The following TEX14 variants were observed in gnomAD, a reference collection of about 807,000 sequenced individuals.
The protein encoded by TEX14 is testis expressed 14, intercellular bridge forming factor.
A neutral mutation model predicts 178.6 loss-of-function variants in TEX14; 168 were observed. The ratio of observed to expected loss-of-function variants is 0.94; its 90% CI spans 0.83 to 1.07. The LOEUF (loss-of-function observed/expected upper bound fraction) is 1.07, where lower values mean the gene tolerates loss of function less well. Ranked by LOEUF, TEX14 falls within the 50% of genes least tolerant of loss-of-function variation. The pLI is 0.00. For missense variants in TEX14, 1,730 were observed against 1,753.6 expected (o/e 0.99, Z 0.24); for synonymous variants, 626 against 634.1 (o/e 0.99, Z 0.19).
intron 1 of TEX14, chr17:58,679,528 G>A (rs1047555511): frequency 6.6e-6 from 1 of 152,194 alleles, no homozygotes; most frequent in Admixed American, 6.6e-5. Context: ...AGCCAGATCA[G>A]GGGAGAGAAC....
At chr17:58,659,153 G>C (rs776152613) in intron 1 of TEX14, among the ~76,000 whole-genome samples, 1 of 150,938 alleles carries the variant, frequency 6.6e-6, no homozygotes, top group Non-Finnish European at 1.5e-5. Context: ...TCACAGGACA[G>C]AAAAGCGCAA....
intron 1 of TEX14, among the ~76,000 whole-genome samples, chr17:58,686,755 T>C (rs908630680): frequency 6.6e-6 from 1 of 150,866 alleles, no homozygotes; most frequent in East Asian, 2.0e-4. Flanking sequence ...AGCTTTATCA[T>C]AACCACCTCT....
chr17:58,602,535 CG>C lies in TEX14; in HGVS notation c.1391del (p.Ser464TrpfsTer5). 6.2e-7 allele frequency: 1 copy of C among 1,613,894 alleles called. No homozygotes were observed. The highest frequency in any genetic ancestry group is 8.5e-7 in the Non-Finnish European group (1 of 1,179,996). On this transcript the variant is annotated frameshift_variant, in exon 12 of 32. Transcript: ENST00000349033. LOFTEE classifies it high-confidence loss of function. ...DGSVVKKAVVSGNYLEADVRL... is the reference protein window; with the variant it reads ...DGSVVKKAVVXGNYLEADVRL... ...TGACATCAGCTTCTAAATAATTCCCCGAGACTACGGCTTTTTTAACAACTGA... is the reference window on the plus strand; with the variant it reads ...TGACATCAGCTTCTAAATAATTCCCCAGACTACGGCTTTTTTAACAACTGA...
intron 13 of TEX14, among the ~76,000 whole-genome samples, 156 bp downstream of exon 13, chr17:58,601,650 T>C (rs1184326942): frequency 6.6e-6 from 1 of 152,194 alleles, no homozygotes; most frequent in East Asian, 1.9e-4. Flanking sequence ...GCTGAGAGCA[T>C]GCCACTGTAC....
At chr17:58,583,332 T>G (rs556030541) in intron 19 of TEX14, among the ~76,000 whole-genome samples, 1 of 152,190 alleles carries the variant, frequency 6.6e-6, no homozygotes, top group South Asian at 2.1e-4. Context: ...GGTCTTGCCA[T>G]GTTGCCAAGG....
chr17:58,567,564 T>C (rs569456290), intron 26 of TEX14, among the ~76,000 whole-genome samples: 1 of 152,324 alleles, frequency 6.6e-6, no homozygotes, highest in Non-Finnish European at 1.5e-5. Flanking sequence ...CCTAGAGCTT[T>C]GGATGTGAGC....
intron 10 of TEX14, among the ~76,000 whole-genome samples, chr17:58,606,859 C>G (rs1477551431): frequency 1.3e-5 from 2 of 151,726 alleles, no homozygotes; most frequent in Non-Finnish European, 2.9e-5. Context: ...GAAACCCCAT[C>G]TCTACTAAAA....
In TEX14 at chr17:58,565,778, G is replaced by A. The variant is rs2044384270; in HGVS notation, c.3933C>T (p.Asn1311=). 4 of 1,610,480 alleles carry A rather than the reference G, an allele frequency of 2.5e-6. No individual in the cohort carries two copies. Among genetic ancestry groups the A allele is most frequent in the Non-Finnish European group, 3.4e-6 (4 of 1,178,548 alleles). Residue 1311 remains asparagine, a synonymous_variant, in exon 27 of 32, where the codon AAC becomes AAT. Coordinates refer to ENST00000349033, the MANE Select transcript of TEX14 (RefSeq NM_031272.5). ...CAGTGCCTCCTCCATCACTTGCTGTGTTCTCATGCAACACCGTGGATGAGC... is the reference window on the plus strand; with the variant it reads ...CAGTGCCTCCTCCATCACTTGCTGTATTCTCATGCAACACCGTGGATGAGC... ...QQGSSTVLHE[N]TASDGGGTAN...
intron 1 of TEX14, among the ~76,000 whole-genome samples, chr17:58,689,174 C>T (rs2047651197): frequency 6.6e-6 from 1 of 152,018 alleles, no homozygotes; most frequent in South Asian, 2.1e-4. Flanking sequence ...GTGATCCGCC[C>T]ACCTCGGCCT....
chr17:58,631,703 C>A (rs530068952), intron 2 of TEX14: 2 of 151,414 alleles, frequency 1.3e-5, no homozygotes, highest in South Asian at 2.1e-4. Context: ...GTTAGAATAA[C>A]GCAACACCAA....
At chr17:58,623,239 AC>A (rs1332322148) in intron 3 of TEX14, among the ~76,000 whole-genome samples, 1 of 151,628 alleles carries the variant, frequency 6.6e-6, no homozygotes, top group Non-Finnish European at 1.5e-5. Context: ...CCTTCACTCA[AC>A]CCTTCAAGGA....
chr17:58,660,305 G>T (rs1004129096), intron 1 of TEX14: 3 of 186,300 alleles, frequency 1.6e-5, no homozygotes, highest in African/African-American at 7.1e-5. Context: ...GGAGGCTGAG[G>T]CAGGAGAATC....
At chr17:58,678,540 C>G (rs1311594813) in intron 1 of TEX14, among the ~76,000 whole-genome samples, 1 of 152,032 alleles carries the variant, frequency 6.6e-6, no homozygotes, top group African/African-American at 2.4e-5. Flanking sequence ...ATGGATGAAG[C>G]TGGAAACCAT....
At chr17:58,614,362 C>T (rs983526389) in intron 8 of TEX14, among the ~76,000 whole-genome samples, 11 of 152,144 alleles carry the variant, frequency 7.2e-5, no homozygotes, top group Non-Finnish European at 1.6e-4. Context: ...TAGTGGCGCA[C>T]GCCAGTAGTC....
At chr17:58,557,763 T>C (rs761707994) in intron 31 of TEX14, 36 bp downstream of exon 31, 1 of 1,565,470 alleles carries the variant, frequency 6.4e-7, no homozygotes, top group Non-Finnish European at 8.8e-7. Flanking sequence ...TCTATAAACA[T>C]GACTTTTGAT....
rs1472733030 is a variant in TEX14 at position 58,598,960 on chromosome 17, A to G, written c.2385T>C (p.Tyr795=). The change falls in exon 14 of 32, where the codon TAT becomes TAC. Residue 795 remains tyrosine (Y), a synonymous_variant. Transcript: ENST00000349033. ...CTGAAAGCTGTAGGACAGGAGGAAT[A>G]TAGTTTAAAGATGGAGGGCCCACGG... ...PLAVGPPSLN[Y]IPPVLQLSGG... The G allele has an allele frequency of 2.5e-6, 4 of 1,614,058 alleles. No individual in the cohort carries two copies. Among genetic ancestry groups the G allele is most frequent in the African/African-American group, 2.7e-5 (2 of 74,928 alleles).
chr17:58,609,398 C>T (rs2045693502), intron 10 of TEX14, among the ~76,000 whole-genome samples: 1 of 152,140 alleles, frequency 6.6e-6, no homozygotes, highest in Admixed American at 6.5e-5. Context: ...CATGCGCCAC[C>T]ACGCCTGGCT....
At chr17:58,605,487 C>T (rs922855402) in intron 10 of TEX14, among the ~76,000 whole-genome samples, 4 of 152,214 alleles carry the variant, frequency 2.6e-5, no homozygotes, top group Admixed American at 6.5e-5. Flanking sequence ...TTCCTGGAAA[C>T]CTAGCTAGAC....
intron 1 of TEX14, chr17:58,660,836 T>C: frequency 1.3e-6 from 1 of 786,356 alleles, no homozygotes; most frequent in Non-Finnish European, 2.4e-6. Flanking sequence ...GCCAAATACT[T>C]TGGCTTGCGC....
Sources: gnomAD v4.1 joint callset for allele counts (sites outside exome capture counted in the v4.1 genomes callset) on GRCh38, gnomAD v4.1.1 for gene constraint, MANE v1.5 for transcripts, NCBI Gene and HGNC (gene_info 2026-07-23, HGNC 2026-07-21) for gene names.